The following FBN2 variants were observed in gnomAD, a reference collection of about 807,000 sequenced individuals.
The protein encoded by FBN2 is fibrillin 2.
FBN2 carries 105 observed loss-of-function variants against 355.6 expected under a neutral mutation model. The observed-to-expected ratio is 0.30, with a 90% CI of 0.25 to 0.35. The LOEUF is 0.35. FBN2 is among the 10% of genes least tolerant of loss of function. FBN2 has a pLI of 1.00. For synonymous variants in FBN2, 1,350 were observed against 1,301.2 expected (o/e 1.04, Z -0.81); for missense variants, 3,280 against 3,758.7 (o/e 0.87, Z 3.33).
At chr5:128,484,928 A>T (rs188987158) in intron 5 of FBN2, among the ~76,000 whole-genome samples, 87 of 152,332 alleles carry the variant, frequency 5.7e-4, no homozygotes, top group Non-Finnish European at 1.2e-4. Context: ...GAGAGCAATC[A>T]GACAATACCT....
intron 6 of FBN2, among the ~76,000 whole-genome samples, chr5:128,448,255 A>G (rs1475830172): frequency 8.6e-5 from 13 of 151,838 alleles, no homozygotes; most frequent in Admixed American, 8.5e-4. Context: ...AGACTCCTGC[A>G]TTTCTTCTTT....
At chr5:128,339,127 G>T (rs1750924202) in intron 25 of FBN2, 66 bp from the exon 26 acceptor site, 1 of 1,544,676 alleles carries the variant, frequency 6.5e-7, no homozygotes, top group South Asian at 1.1e-5. Context: ...CCAAGCGAAG[G>T]TGCTGCATGC....
chr5:128,303,382 G>T (rs528588511), intron 45 of FBN2, among the ~76,000 whole-genome samples: 2 of 152,210 alleles, frequency 1.3e-5, no homozygotes, highest in East Asian at 1.9e-4. Context: ...TAATGAGCAG[G>T]TCTGCTTAAT....
rs1753323898 is a variant in FBN2, at chr5:128,420,725, A to T, written c.953-11926T>A. Among the ~76,000 whole-genome samples the T allele has an allele frequency of 3.9e-5, 6 of 152,320 alleles. No individual in the cohort carries two copies. In the South Asian group the frequency reaches 1.2e-3, roughly 32 times the overall value. On this transcript the variant is annotated intron_variant, in intron 7 of 64. Transcript: ENST00000262464. ...GAAAATTATGCTATTCATTCTTTAA[A>T]ACTCTCAACTTCTCTTAAGAAATCA... is the stretch of plus-strand genomic sequence containing the variant.
chr5:128,401,587 C>T (rs1430678206), intron 8 of FBN2, among the ~76,000 whole-genome samples: 2 of 152,084 alleles, frequency 1.3e-5, no homozygotes, highest in Non-Finnish European at 2.9e-5. Context: ...TAGAGACCAT[C>T]CTGGCCAACA....
At chr5:128,339,870 A>T (rs771730091) in intron 25 of FBN2, among the ~76,000 whole-genome samples, 16 of 152,200 alleles carry the variant, frequency 1.1e-4, no homozygotes, top group Non-Finnish European at 1.9e-4. Context: ...CACATAGGGC[A>T]GGGCCATGGT....
chr5:128,482,308 G>A (rs1483298404), intron 5 of FBN2, among the ~76,000 whole-genome samples: 1 of 152,022 alleles, frequency 6.6e-6, no homozygotes, highest in East Asian at 1.9e-4. Flanking sequence ...CCAGCAAGAG[G>A]ACGATGAAGG....
chr5:128,374,829 C>A (rs893662083), intron 14 of FBN2, 79 bp from the exon 15 acceptor site: 88 of 1,436,004 alleles, frequency 6.1e-5, no homozygotes, highest in Non-Finnish European at 8.1e-5. Flanking sequence ...AGCCACTGCT[C>A]TATACTACTA....
At chr5:128,305,666 G>A (rs747748112) in intron 43 of FBN2, 30 bp from the exon 44 acceptor site, 1 of 1,612,624 alleles carries the variant, frequency 6.2e-7, no homozygotes, top group Non-Finnish European at 8.5e-7. Context: ...ATTTTAAAGA[G>A]TCCTTTTTAG....
chr5:128,431,105 G>A (rs941731157), intron 7 of FBN2, among the ~76,000 whole-genome samples: 2 of 152,154 alleles, frequency 1.3e-5, no homozygotes, highest in Non-Finnish European at 2.9e-5. Context: ...AGAAAGAGAA[G>A]TAATATAACG....
At chr5:128,398,872 C>T (rs932003246) in intron 8 of FBN2, among the ~76,000 whole-genome samples, 4 of 152,100 alleles carry the variant, frequency 2.6e-5, no homozygotes, top group African/African-American at 7.2e-5. Flanking sequence ...CAGGAGTTTC[C>T]CTGCACAAGC....
chr5:128,445,406 T>C (rs1301301273), intron 7 of FBN2, among the ~76,000 whole-genome samples: 2 of 152,226 alleles, frequency 1.3e-5, no homozygotes, highest in Admixed American at 1.3e-4. Context: ...GTTTCTGGCA[T>C]TGAAACAATG....
In FBN2 at chr5:128,278,817, G is replaced by A. The variant is rs754380350; in HGVS notation, c.7163C>T (p.Ala2388Val). Residue 2388 changes from alanine (A) to valine (V), a missense_variant, in exon 57 of 65, where the codon GCA (alanine) becomes GTA (valine). This residue lies in a region of FBN2 where 2,284 missense variants were observed against 2,749.5 expected (regional missense o/e 0.83). Transcript: ENST00000262464. The part of the protein sequence containing the change: ...CLDNRQGLCF[A>V]EVLQTICQMA... Reference sequence around the variant, plus strand: ...TTGACATATTGTCTGCAGTACCTCTGCAAAGCAGAGACCCTGTCGATTGTC... The same window carrying A: ...TTGACATATTGTCTGCAGTACCTCTACAAAGCAGAGACCCTGTCGATTGTC... 1.2e-6 allele frequency: 2 copies of A among 1,613,836 alleles called. No homozygotes were observed. The highest frequency in any genetic ancestry group is 1.7e-6 in the Non-Finnish European group (2 of 1,179,902).
intron 5 of FBN2, among the ~76,000 whole-genome samples, chr5:128,491,614 C>A (rs1755506192): frequency 1.3e-5 from 2 of 152,200 alleles, no homozygotes; most frequent in Non-Finnish European, 2.9e-5. Context: ...TCTCCTTACT[C>A]TTTAATAGAA....
intron 36 of FBN2, 113 bp from the exon 37 acceptor site, chr5:128,312,908 G>A: frequency 1.7e-6 from 2 of 1,202,768 alleles, no homozygotes; most frequent in Non-Finnish European, 2.4e-6. Context: ...AACATGAAAG[G>A]TTCCTTTTAA....
At position 128,519,974 on chromosome 5, in the gene FBN2, T is replaced by C. The variant is rs186257838; in HGVS notation, c.533-606A>G. Among the ~76,000 whole-genome samples, 297 of 151,800 alleles carry C rather than the reference T, an allele frequency of 2.0e-3. 4 individuals carry two copies. Among genetic ancestry groups the C allele is most frequent in the Non-Finnish European group, 1.3e-3 (86 of 67,890 alleles). ...GTTAGCTATAAAATGCCAAAAGAAG[T>C]AACCAATGTGTAGAGACTATTTGCA... On this transcript the variant is annotated intron_variant, in intron 4 of 64. Transcript: ENST00000262464.
chr5:128,381,106 T>C (rs1752223545), intron 11 of FBN2, among the ~76,000 whole-genome samples: 1 of 152,096 alleles, frequency 6.6e-6, no homozygotes, highest in Non-Finnish European at 1.5e-5. Context: ...GGATTACCTG[T>C]AGCCCAATAG....
chr5:128,400,710 A>G lies in FBN2; in HGVS notation c.1079-5436T>C, dbSNP rs938054818. ...ATGTATGAAATGAAGTTGGAAATCAATAACAAAATAAACAAGAAAACATCC... is the reference window on the plus strand; with the variant it reads ...ATGTATGAAATGAAGTTGGAAATCAGTAACAAAATAAACAAGAAAACATCC... On this transcript the variant is annotated intron_variant, in intron 8 of 64. Coordinates refer to ENST00000262464, the MANE Select transcript of FBN2 (RefSeq NM_001999.4). 5.3e-5 allele frequency among the ~76,000 whole-genome samples: 8 copies of G among 152,344 alleles called. No homozygotes were observed. In the South Asian group the frequency reaches 1.0e-3, roughly 20 times the overall value.
At chr5:128,341,034 C>A (rs575496394) in intron 25 of FBN2, among the ~76,000 whole-genome samples, 122 of 152,230 alleles carry the variant, frequency 8.0e-4, no homozygotes, top group African/African-American at 2.8e-3. Flanking sequence ...GAGAGGCTGA[C>A]AATGAGTGTG....
Sources: allele counts gnomAD v4.1 joint callset (sites outside exome capture counted in the v4.1 genomes callset), GRCh38; gene constraint gnomAD v4.1.1; regional missense constraint gnomAD v4.1.1; transcripts MANE v1.5; gene names NCBI Gene and HGNC (gene_info 2026-07-23, HGNC 2026-07-21).